CD96: variants seen among roughly 807,000 people sequenced by gnomAD.
CD96 encodes the protein T-cell surface protein tactile.
Under a neutral mutation model 71.3 loss-of-function variants are expected in CD96, and 70 were observed. That is an observed-to-expected ratio of 0.98 (90% CI 0.81 to 1.20). The LOEUF (loss-of-function observed/expected upper bound fraction) is 1.20. Ranked by LOEUF, CD96 falls within the 50% of genes most tolerant of loss-of-function variation. CD96 has a pLI of 0.00. For missense variants in CD96, 742 were observed against 677.5 expected (o/e 1.10, Z -1.06); for synonymous variants, 248 against 233.0 (o/e 1.06, Z -0.59).
At chr3:111,581,836 CT>C in intron 4 of CD96, among the ~76,000 whole-genome samples, 1 of 152,264 alleles carries the variant, frequency 6.6e-6, no homozygotes, top group East Asian at 1.9e-4. Context: ...TTGGGTTCCC[CT>C]GAAATAAAAC....
chr3:111,660,175 G>C (rs533472362), intron 14 of CD96, among the ~76,000 whole-genome samples: 7 of 152,298 alleles, frequency 4.6e-5, no homozygotes, highest in Non-Finnish European at 8.8e-5. Context: ...ATAATTTCAG[G>C]TCACAGAATC....
chr3:111,626,593 C>A (rs1242519568), intron 10 of CD96, among the ~76,000 whole-genome samples: 1 of 152,094 alleles, frequency 6.6e-6, no homozygotes, highest in African/African-American at 2.4e-5. Context: ...AAAAATCCCT[C>A]CAAAATTAGT....
chr3:111,577,602 G>T, intron 3 of CD96: 1 of 1,124,114 alleles, frequency 8.9e-7, no homozygotes, highest in Non-Finnish European at 1.4e-6. Context: ...TTATTTGCAG[G>T]CAATAACACA....
At chr3:111,633,550 G>C (rs1000404185) in intron 10 of CD96, 1 of 152,222 alleles carries the variant, frequency 6.6e-6, no homozygotes, top group African/African-American at 2.4e-5. Flanking sequence ...CTGTGTCTGT[G>C]ATACAGATAC....
chr3:111,590,787 T>A (rs1167260007), intron 5 of CD96, among the ~76,000 whole-genome samples: 2 of 152,130 alleles, frequency 1.3e-5, no homozygotes, highest in African/African-American at 4.8e-5. Flanking sequence ...TCACAGCTAA[T>A]GATGTAGCAT....
At chr3:111,619,803 G>C (rs1464660613) in intron 8 of CD96, among the ~76,000 whole-genome samples, 1 of 152,190 alleles carries the variant, frequency 6.6e-6, no homozygotes, top group Non-Finnish European at 1.5e-5. Flanking sequence ...AGAATCTCCA[G>C]GTCAGGTTCT....
intron 13 of CD96, 92 bp from the exon 14 acceptor site, chr3:111,649,606 T>C: frequency 1.2e-6 from 1 of 850,650 alleles, no homozygotes; most frequent in Non-Finnish European, 2.1e-6. Flanking sequence ...TCAATCTGTG[T>C]TCTCCTTTAA....
intron 2 of CD96, among the ~76,000 whole-genome samples, chr3:111,549,147 C>A (rs1212509642): frequency 6.6e-6 from 1 of 152,050 alleles, no homozygotes; most frequent in Non-Finnish European, 1.5e-5. Context: ...ATTTCCCTCT[C>A]TTCTCCCCTC....
At chr3:111,608,520 G>A (rs1388727243) in intron 8 of CD96, among the ~76,000 whole-genome samples, 2 of 152,222 alleles carry the variant, frequency 1.3e-5, no homozygotes, top group East Asian at 1.9e-4. Context: ...GACAGAGCAA[G>A]CATTATTGTT....
chr3:111,567,191 A>G (rs576428756), intron 2 of CD96, among the ~76,000 whole-genome samples: 6 of 152,318 alleles, frequency 3.9e-5, no homozygotes, highest in African/African-American at 1.2e-4. Flanking sequence ...TAGGTTATGA[A>G]GTTTTGTATT....
intron 8 of CD96, among the ~76,000 whole-genome samples, chr3:111,616,736 C>A (rs1157090913): frequency 6.6e-6 from 1 of 152,078 alleles, no homozygotes; most frequent in Non-Finnish European, 1.5e-5. Flanking sequence ...TGTGGGGATG[C>A]CAGCTGTAGT....
intron 3 of CD96, chr3:111,577,694 G>A (rs1466986521): frequency 1.8e-5 from 13 of 727,580 alleles, no homozygotes; most frequent in South Asian, 5.8e-5. Context: ...TTTCTACTAA[G>A]TATATTCTGG....
At chr3:111,648,529 A>G (rs1025886463) in intron 13 of CD96, among the ~76,000 whole-genome samples, 2 of 152,216 alleles carry the variant, frequency 1.3e-5, no homozygotes, top group East Asian at 1.9e-4. Flanking sequence ...TAATTCCCCA[A>G]AAAACAAAAG....
At chr3:111,592,238 A>G (rs1156361826) in intron 5 of CD96, among the ~76,000 whole-genome samples, 2 of 152,138 alleles carry the variant, frequency 1.3e-5, no homozygotes, top group African/African-American at 4.8e-5. Flanking sequence ...TTCTATTTCT[A>G]AATTAATATT....
chr3:111,642,743 G>T (rs905861153), intron 12 of CD96, among the ~76,000 whole-genome samples: 11 of 152,026 alleles, frequency 7.2e-5, no homozygotes, highest in African/African-American at 2.4e-4. Context: ...GGTGGCAGAG[G>T]TTGCAGTGAG....
intron 8 of CD96, among the ~76,000 whole-genome samples, chr3:111,617,027 A>G (rs1938274739): frequency 6.6e-6 from 1 of 152,102 alleles, no homozygotes; most frequent in South Asian, 2.1e-4. Flanking sequence ...CACTGTCACA[A>G]CCTGGCCAGG....
intron 8 of CD96, among the ~76,000 whole-genome samples, chr3:111,621,132 T>C (rs1222244660): frequency 6.6e-6 from 1 of 152,226 alleles, no homozygotes; most frequent in Non-Finnish European, 1.5e-5. Context: ...GATATATTTT[T>C]AAAGGCTGCT....
intron 2 of CD96, among the ~76,000 whole-genome samples, chr3:111,554,588 A>G (rs1182912582): frequency 6.6e-6 from 1 of 152,064 alleles, no homozygotes; most frequent in Admixed American, 6.6e-5. Context: ...ATATCAAACT[A>G]TAAAGTACAC....
intron 8 of CD96, among the ~76,000 whole-genome samples, chr3:111,614,342 A>C (rs1225064358): frequency 6.6e-6 from 1 of 152,152 alleles, no homozygotes; most frequent in African/African-American, 2.4e-5. Context: ...CGTAAGAAGA[A>C]GAGGGAGAGG....
Sources: allele counts gnomAD v4.1 joint callset (sites outside exome capture counted in the v4.1 genomes callset), GRCh38; gene constraint gnomAD v4.1.1; transcripts MANE v1.5; gene names NCBI Gene and HGNC (gene_info 2026-07-23, HGNC 2026-07-21).